The following TPX2 variants were observed in gnomAD, a reference collection of about 807,000 sequenced individuals.
TPX2 encodes the protein TPX2 microtubule nucleation factor, also known as targeting protein for Xklp2.
A neutral mutation model predicts 93.6 loss-of-function variants in TPX2; 21 were observed. The observed-to-expected ratio is 0.22, with a 90% CI of 0.16 to 0.32. The LOEUF is 0.32. TPX2 is among the 10% of genes least tolerant of loss of function. The pLI, the probability that TPX2 is intolerant of heterozygous loss-of-function variation, is 1.00. For synonymous variants in TPX2, 281 were observed against 298.3 expected (o/e 0.94, Z 0.60); for missense variants, 776 against 871.1 (o/e 0.89, Z 1.37).
chr20:31,782,937 C>G (rs59217556), intron 11 of TPX2, among the ~76,000 whole-genome samples: 1 of 149,530 alleles, frequency 6.7e-6, no homozygotes, highest in African/African-American at 2.5e-5. Context: ...CACACAAAAT[C>G]TAATCCAGAG....
At chr20:31,751,457 T>C (rs951303245) in intron 2 of TPX2, among the ~76,000 whole-genome samples, 4 of 152,160 alleles carry the variant, frequency 2.6e-5, no homozygotes, top group African/African-American at 9.6e-5. Flanking sequence ...AAGGGGTTTT[T>C]AACCACTGTC....
Position 31,770,436 on chromosome 20 carries a change from C to A in TPX2, c.450C>A (p.Ile150=). Residue 150 remains isoleucine (I), a synonymous_variant, in exon 6 of 18, where the codon ATC becomes ATA. Transcript: ENST00000300403. The part of the protein sequence containing the change: ...MKAKRCATPV[I]IDEILPSKKM... ...CCAAGAGATGTGCCACTCCTGTAAT[C>A]ATCGATGAAATTCTACCCTCTAAGA... The A allele has an allele frequency of 6.3e-7, 1 of 1,598,774 alleles. No individual in the cohort carries two copies. The highest frequency in any genetic ancestry group is 1.1e-5 in the South Asian group (1 of 87,920).
intron 5 of TPX2, among the ~76,000 whole-genome samples, chr20:31,768,488 G>A (rs1013175446): frequency 2.0e-5 from 3 of 149,722 alleles, no homozygotes; most frequent in South Asian, 2.1e-4. Flanking sequence ...CTTGTAATCC[G>A]CCCACCGTGG....
In TPX2 at chr20:31,778,846, C is replaced by T; in HGVS notation, c.916C>T (p.Pro306Ser). The T allele has an allele frequency of 6.2e-7, 1 of 1,604,016 alleles. No individual in the cohort carries two copies. Among genetic ancestry groups the T allele is most frequent in the Non-Finnish European group, 8.5e-7 (1 of 1,176,716 alleles). The change falls in exon 10 of 18, where the codon CCT becomes TCT. Residue 306 changes from proline to serine, a missense_variant. Coordinates refer to ENST00000300403, the MANE Select transcript of TPX2 (RefSeq NM_012112.5). ...RVTKGCTIVK[P>S]FNLSQGKKRT... ...GACTAAGGGATGTACCATTGTTAAG[C>T]CTTTCAACCTGTCCCAAGGAAAGAA...
intron 12 of TPX2, among the ~76,000 whole-genome samples, chr20:31,788,549 C>A (rs992860854): frequency 6.6e-6 from 1 of 152,204 alleles, no homozygotes; most frequent in Non-Finnish European, 1.5e-5. Flanking sequence ...CACGTCCCCC[C>A]CAGTGCTGAA....
chr20:31,746,725 C>T (rs774746955), intron 2 of TPX2, among the ~76,000 whole-genome samples: 2 of 152,076 alleles, frequency 1.3e-5, no homozygotes, highest in Non-Finnish European at 2.9e-5. Context: ...TGAACCTGCA[C>T]CTTTTGATTT....
intron 15 of TPX2, among the ~76,000 whole-genome samples, chr20:31,794,832 G>A (rs572686274): frequency 2.7e-5 from 4 of 150,636 alleles, no homozygotes; most frequent in African/African-American, 9.8e-5. Flanking sequence ...TGTTGTTGTT[G>A]TTTTTTGAGA....
rs1555787867 is a variant in TPX2, at chr20:31,786,403, T to TTTTTTTGTTTTG, written c.1413+2488_1413+2489insGTTTTGTTTTTT. Among the ~76,000 whole-genome samples the TTTTTTTGTTTTG allele has an allele frequency of 1.0e-4, 12 of 118,358 alleles. 1 individual carries two copies. 77.6% of individuals were successfully genotyped at this position (118,358 alleles called of 152,430 possible). A position where few individuals can be genotyped will look rare whatever the true frequency, so the allele number is the denominator to read the frequency against. ...CATCAGTCACACCTGAACTACTGTT[T>TTTTTTTGTTTTG]TTTTTTTTTTTTGAGACAATCTCAC... is the stretch of plus-strand genomic sequence containing the variant. On this transcript the variant is annotated intron_variant, in intron 12 of 17. Coordinates refer to ENST00000300403, the MANE Select transcript of TPX2 (RefSeq NM_012112.5).
chr20:31,757,410 G>T lies in TPX2; in HGVS notation c.-67G>T. ...GTGCAACCATTTCTTTCCTCAGAAG[G>T]TGACCTGCTGAGAAAAGTGGTACAA... On this transcript the variant is annotated 5_prime_UTR_variant, in exon 3 of 18. Transcript: ENST00000300403. The T allele has an allele frequency of 2.3e-6, 3 of 1,285,406 alleles. No homozygotes were observed. The highest frequency in any genetic ancestry group is 3.3e-6 in the Non-Finnish European group (3 of 895,962). 79.6% of individuals were successfully genotyped at this position (1,285,406 alleles called of 1,614,324 possible). A position where few individuals can be genotyped will look rare whatever the true frequency, so the allele number is the denominator to read the frequency against.
intron 2 of TPX2, among the ~76,000 whole-genome samples, chr20:31,749,206 A>G (rs978301528): frequency 4.6e-5 from 7 of 152,042 alleles, no homozygotes; most frequent in African/African-American, 1.2e-4. Flanking sequence ...TCGGCCTCCC[A>G]AAGTGCTGGG....
At chr20:31,744,980 G>A (rs939993064) in intron 2 of TPX2, among the ~76,000 whole-genome samples, 1 of 152,000 alleles carries the variant, frequency 6.6e-6, no homozygotes, top group Non-Finnish European at 1.5e-5. Context: ...CCACTTACTC[G>A]GGAGGCTGAG....
At chr20:31,792,560 C>T (rs1238048983) in intron 12 of TPX2, among the ~76,000 whole-genome samples, 175 bp from the exon 13 acceptor site, 1 of 151,948 alleles carries the variant, frequency 6.6e-6, no homozygotes, top group East Asian at 1.9e-4. Flanking sequence ...ACCTGTAATC[C>T]CAGCACTTTG....
intron 12 of TPX2, among the ~76,000 whole-genome samples, chr20:31,792,493 A>G (rs2062108161): frequency 6.6e-6 from 1 of 152,024 alleles, no homozygotes; most frequent in South Asian, 2.1e-4. Context: ...CTGTGCTTAG[A>G]TTAATTATAT....
At chr20:31,794,600 T>A (rs770409311) in intron 15 of TPX2, 52 bp downstream of exon 15, 1 of 1,597,136 alleles carries the variant, frequency 6.3e-7, no homozygotes, top group Admixed American at 1.7e-5. Flanking sequence ...TGGTTGATTG[T>A]ACAGGCAGAC....
At chr20:31,794,147 A>C in intron 14 of TPX2, 123 bp downstream of exon 14, 1 of 1,175,204 alleles carries the variant, frequency 8.5e-7, no homozygotes, top group Non-Finnish European at 1.2e-6. Context: ...AGAACCCTAT[A>C]AAATATAAAT....
chr20:31,763,591 C>T (rs2061904200), intron 4 of TPX2, among the ~76,000 whole-genome samples: 1 of 151,880 alleles, frequency 6.6e-6, no homozygotes, highest in African/African-American at 2.4e-5. Context: ...GGATTTGTCT[C>T]TTTATCTTTA....
intron 6 of TPX2, 25 bp from the exon 7 acceptor site, chr20:31,771,533 CAT>C (rs768542871): frequency 6.2e-7 from 1 of 1,605,844 alleles, no homozygotes; most frequent in South Asian, 1.1e-5. Context: ...GAATTGAAAA[CAT>C]ATTTTTTGTC....
chr20:31,760,002 G>A (rs1392223876), intron 3 of TPX2, 55 bp from the exon 4 acceptor site: 2 of 1,599,358 alleles, frequency 1.3e-6, no homozygotes, highest in African/African-American at 2.7e-5. Context: ...ATGCGTGATA[G>A]TGATTTGTTT....
intron 1 of TPX2, among the ~76,000 whole-genome samples, chr20:31,741,601 C>T (rs933485505): frequency 6.6e-6 from 1 of 152,152 alleles, no homozygotes; most frequent in Non-Finnish European, 1.5e-5. Context: ...GCCTCAGCCT[C>T]CCAAGTAGCT....
Sources: gnomAD v4.1 joint callset for allele counts (sites outside exome capture counted in the v4.1 genomes callset) on GRCh38, gnomAD v4.1.1 for gene constraint, MANE v1.5 for transcripts, NCBI Gene and HGNC (gene_info 2026-07-23, HGNC 2026-07-21) for gene names.